CCDC170: variants seen among roughly 807,000 people sequenced by gnomAD.
CCDC170 encodes the protein coiled-coil domain-containing protein 170.
Under a neutral mutation model 72.6 loss-of-function variants are expected in CCDC170, and 69 were observed. The ratio of observed to expected loss-of-function variants is 0.95; its 90% CI spans 0.78 to 1.16. The LOEUF (loss-of-function observed/expected upper bound fraction) is 1.16, where lower values mean the gene tolerates loss of function less well. Ranked by LOEUF, CCDC170 falls within the 50% of genes most tolerant of loss-of-function variation. The pLI is 0.00. For synonymous variants in CCDC170, 300 were observed against 303.9 expected (o/e 0.99, Z 0.13); for missense variants, 852 against 832.5 (o/e 1.02, Z -0.29).
intron 1 of CCDC170, among the ~76,000 whole-genome samples, chr6:151,512,867 C>T (rs2115026912): frequency 6.6e-6 from 1 of 152,336 alleles, no homozygotes; most frequent in East Asian, 1.9e-4. Context: ...ATAATACAGA[C>T]ACCTCTTAAA....
intron 1 of CCDC170, among the ~76,000 whole-genome samples, chr6:151,499,314 C>A (rs377153639): frequency 3.6e-5 from 4 of 111,878 alleles, no homozygotes; most frequent in African/African-American, 8.7e-5. Context: ...GTATTTGACT[C>A]TTCTAGGCAC....
At chr6:151,571,333 T>TTA (rs1554223780) in intron 5 of CCDC170, among the ~76,000 whole-genome samples, 1 of 151,752 alleles carries the variant, frequency 6.6e-6, no homozygotes, top group Non-Finnish European at 1.5e-5. Flanking sequence ...TTTTTTTTTT[T>TTA]ACCAGTTAAC....
intron 1 of CCDC170, among the ~76,000 whole-genome samples, 197 bp downstream of exon 1, chr6:151,494,382 T>C (rs1781879163): frequency 6.6e-6 from 1 of 152,208 alleles, no homozygotes. Flanking sequence ...GACCGGAGTT[T>C]GCGGAGCGCG....
intron 5 of CCDC170, among the ~76,000 whole-genome samples, chr6:151,550,307 G>A (rs1303424957): frequency 6.6e-6 from 1 of 152,184 alleles, no homozygotes; most frequent in East Asian, 1.9e-4. Flanking sequence ...TGCTGATAAA[G>A]GGAGCCTCCT....
intron 1 of CCDC170, among the ~76,000 whole-genome samples, chr6:151,525,011 C>A (rs1433976071): frequency 1.4e-5 from 2 of 147,712 alleles, no homozygotes; most frequent in East Asian, 4.0e-4. Flanking sequence ...CGGCTCACTG[C>A]AAACTCCGCC....
intron 1 of CCDC170, among the ~76,000 whole-genome samples, chr6:151,510,157 AC>A (rs2115024846): frequency 6.6e-6 from 1 of 152,240 alleles, no homozygotes; most frequent in African/African-American, 2.4e-5. Flanking sequence ...AACAACAACA[AC>A]AAAAAAACAT....
At chr6:151,520,433 C>A (rs968789325) in intron 1 of CCDC170, among the ~76,000 whole-genome samples, 4 of 152,220 alleles carry the variant, frequency 2.6e-5, no homozygotes, top group Non-Finnish European at 5.9e-5. Context: ...TTGTTTGTAA[C>A]CTTTAAGCTG....
rs919768158 is a variant in CCDC170 at position 151,494,133 on chromosome 6, G to A, written c.5G>A (p.Ser2Asn). ...CGCCCCCGGGCTCGGGTCGTCATGAGCCTGGACTGCACCAGCCATATCGCG... is the reference window on the plus strand; with the variant it reads ...CGCCCCCGGGCTCGGGTCGTCATGAACCTGGACTGCACCAGCCATATCGCG... M[S>N]LDCTSHIALG... Residue 2 changes from serine (S) to asparagine (N), a missense_variant, in exon 1 of 11, where the codon AGC (serine) becomes AAC (asparagine). Physicochemically the swap from Ser to Asn is conservative, Grantham distance 46. Coordinates refer to ENST00000239374, the MANE Select transcript of CCDC170 (RefSeq NM_025059.4). 6.6e-7 allele frequency: 1 copy of A among 1,513,096 alleles called. No individual in the cohort carries two copies. 93.7% of individuals were successfully genotyped at this position (1,513,096 alleles called of 1,614,324 possible).
intron 1 of CCDC170, among the ~76,000 whole-genome samples, chr6:151,509,863 G>A (rs1469952804): frequency 6.6e-6 from 1 of 152,108 alleles, no homozygotes; most frequent in East Asian, 1.9e-4. Context: ...GGTGGCTCAC[G>A]CCTGTAATCC....
chr6:151,498,276 A>C (rs1026186243), intron 1 of CCDC170, among the ~76,000 whole-genome samples: 1 of 147,052 alleles, frequency 6.8e-6, no homozygotes, highest in African/African-American at 2.5e-5. Context: ...AAATAGCAAC[A>C]CACTCTATCA....
At chr6:151,513,802 C>T (rs1782185118) in intron 1 of CCDC170, among the ~76,000 whole-genome samples, 1 of 150,240 alleles carries the variant, frequency 6.7e-6, no homozygotes, top group African/African-American at 2.5e-5. Context: ...CGCCTGTAAT[C>T]CCACCTACTC....
intron 5 of CCDC170, among the ~76,000 whole-genome samples, chr6:151,564,017 C>G (rs150874759): frequency 6.2e-4 from 95 of 152,314 alleles, no homozygotes; most frequent in African/African-American, 2.2e-3. Context: ...TTCAATGTCC[C>G]TAGTCTGCCA....
At chr6:151,615,991 C>T (rs769180054) in intron 10 of CCDC170, 98 of 219,874 alleles carry the variant, frequency 4.5e-4, no homozygotes, top group Non-Finnish European at 7.6e-4. Flanking sequence ...TGATTTACCC[C>T]GCTAAGAAAA....
intron 5 of CCDC170, among the ~76,000 whole-genome samples, chr6:151,565,970 G>A (rs185490357): frequency 5.3e-5 from 8 of 152,218 alleles, no homozygotes; most frequent in African/African-American, 1.7e-4. Flanking sequence ...GGGAACTGTC[G>A]GTGGTTGTCC....
At chr6:151,615,352 A>G (rs2115148083) in intron 9 of CCDC170, 91 bp from the exon 10 acceptor site, 1 of 884,904 alleles carries the variant, frequency 1.1e-6, no homozygotes, top group South Asian at 1.5e-5. Flanking sequence ...AAGGGTATGA[A>G]GTGAATTCCA....
At chr6:151,540,324 C>T (rs1476052016) in intron 3 of CCDC170, among the ~76,000 whole-genome samples, 1 of 146,740 alleles carries the variant, frequency 6.8e-6, no homozygotes, top group Non-Finnish European at 1.5e-5. Context: ...CCTCCTCCTC[C>T]TCCTCTTCCT....
intron 5 of CCDC170, among the ~76,000 whole-genome samples, chr6:151,569,377 T>A (rs80013123): frequency 0.019 from 2,819 of 152,358 alleles, 99 homozygotes; most frequent in African/African-American, 0.064. Context: ...TATTGTTTAT[T>A]AAAGTTTTTG....
At position 151,618,199 on chromosome 6, in the gene CCDC170, A is replaced by G. The variant is rs771441901; in HGVS notation, c.*52A>G. The G allele has an allele frequency of 1.4e-6, 2 of 1,445,406 alleles. No homozygotes were observed. The highest frequency in any genetic ancestry group is 1.8e-5 in the Admixed American group (1 of 56,738). The allele number at this position is 1,445,406 out of a possible 1,614,324, so 89.5% of individuals were successfully genotyped here. On this transcript the variant is annotated 3_prime_UTR_variant, in exon 11 of 11. Coordinates refer to ENST00000239374, the MANE Select transcript of CCDC170 (RefSeq NM_025059.4). ...CATAAGACATGGCACACAATTCCCA[A>G]TTTCACAAATTCCTCATGTCTTTGA...
intron 5 of CCDC170, among the ~76,000 whole-genome samples, chr6:151,571,627 T>G (rs1052871223): frequency 6.6e-6 from 1 of 152,068 alleles, no homozygotes; most frequent in Non-Finnish European, 1.5e-5. Flanking sequence ...CTCGGGAGGC[T>G]GAGGCAGGAG....
Sources: allele counts gnomAD v4.1 joint callset (sites outside exome capture counted in the v4.1 genomes callset), GRCh38; gene constraint gnomAD v4.1.1; transcripts MANE v1.5; gene names NCBI Gene and HGNC (gene_info 2026-07-23, HGNC 2026-07-21).